Variants in ADNP observed in about 807,000 individuals in gnomAD.
ADNP encodes the protein activity dependent neuroprotector homeobox.
A neutral mutation model predicts 84.9 loss-of-function variants in ADNP; 4 were observed. The observed-to-expected ratio is 0.05, with a 90% confidence interval of 0.02 to 0.11. ADNP has a LOEUF of 0.11. Among genes scored for constraint, ADNP ranks in the 10% least tolerant of loss-of-function variants. The probability of loss-of-function intolerance (pLI) is 1.00; values close to 1 mark genes in which losing one functional copy is unlikely to be tolerated. For synonymous variants in ADNP, 554 were observed against 468.1 expected (o/e 1.18, Z -2.37); for missense variants, 1,132 against 1,326.0 (o/e 0.85, Z 2.27).
chr20:50,916,920 A>C (rs971673043), intron 2 of ADNP, among the ~76,000 whole-genome samples: 3 of 152,204 alleles, frequency 2.0e-5, no homozygotes, highest in African/African-American at 7.2e-5. Flanking sequence ...TAGGAAAGTC[A>C]AAAGATTGAG....
chr20:50,891,785 C>G lies in ADNP; in HGVS notation c.2929G>C (p.Gly977Arg), dbSNP rs994682969. 2 of 1,614,168 alleles carry G rather than the reference C, an allele frequency of 1.2e-6. No individual in the cohort carries two copies. The highest frequency in any genetic ancestry group is 1.7e-6 in the Non-Finnish European group (2 of 1,180,020). The stretch of plus-strand genomic sequence containing the variant: ...TCAAAGTCTGACACTTGTTGGGATC[C>G]AGGCCCACTCTCAGATGGAGAAGCA... ...DGASPSESGP[G>R]SQQVSDFEDN... The change falls in exon 6 of 6, where the codon GGA becomes CGA. Residue 977 changes from glycine (G) to arginine (R), a missense_variant. By Grantham distance (125) the Gly-to-Arg change is moderately radical. Around this residue, in one of 10 missense-constraint regions of ADNP, gnomAD observed 381 missense variants for 319.9 expected, o/e 1.19. Coordinates refer to ENST00000621696, the MANE Select transcript of ADNP (RefSeq NM_001282531.3).
In ADNP at chr20:50,894,048, G is replaced by T. The variant is rs539414821; in HGVS notation, c.666C>A (p.His222Gln). 6.2e-7 allele frequency: 1 copy of T among 1,614,100 alleles called. No homozygotes were observed. Among genetic ancestry groups the T allele is most frequent in the Non-Finnish European group, 8.5e-7 (1 of 1,180,048 alleles). ...TTGGCATGAAAAGGCATCGCTTGCA[G>T]TGAATACTACTCTCTTCTCGGGCAT... ...GSNAREESSI[H>Q]CKRCLFMPKS... The change falls in exon 6 of 6, where the codon CAC (histidine) becomes CAA (glutamine). Residue 222 changes from histidine to glutamine, a missense_variant. Around this residue, in one of 10 missense-constraint regions of ADNP, gnomAD observed 130 missense variants for 183.7 expected, o/e 0.71. Transcript: ENST00000621696.
intron 4 of ADNP, among the ~76,000 whole-genome samples, chr20:50,902,892 CTG>C (rs1491367867): frequency 6.6e-6 from 1 of 152,188 alleles, no homozygotes; most frequent in Non-Finnish European, 1.5e-5. Flanking sequence ...TACCTGAACT[CTG>C]GGGTTGGAGA....
In ADNP at chr20:50,891,394, G is replaced by A. The variant is rs753750584; in HGVS notation, c.*11C>T. ...GCTGCAGCATGTCACCAACGCCAGG[G>A]AACCTGGCACTTAGGCCTGTTGGCT... is the stretch of plus-strand genomic sequence containing the variant. On this transcript the variant is annotated 3_prime_UTR_variant, in exon 6 of 6. Coordinates refer to ENST00000621696, the MANE Select transcript of ADNP (RefSeq NM_001282531.3). The A allele has an allele frequency of 6.3e-7, 1 of 1,581,702 alleles. No individual in the cohort carries two copies. Among genetic ancestry groups the A allele is most frequent in the Admixed American group, 1.8e-5 (1 of 55,828 alleles).
intron 2 of ADNP, among the ~76,000 whole-genome samples, chr20:50,909,304 G>A (rs1982796206): frequency 7.3e-6 from 1 of 137,380 alleles, no homozygotes; most frequent in African/African-American, 2.7e-5. Context: ...CGGAGGTTGT[G>A]GTGAGCCGAA....
At position 50,894,296 on chromosome 20, in the gene ADNP, GGCT is replaced by G; in HGVS notation, c.415_417del (p.Ser139del). On this transcript the variant is annotated inframe_deletion, in exon 6 of 6. Coordinates refer to ENST00000621696, the MANE Select transcript of ADNP (RefSeq NM_001282531.3). ...TTGTTTTTATCTTTGAAAGTGCTGAGGCTGCTACTTGGTGCGCTGGCGTTCGGA... is the reference window on the plus strand; with the variant it reads ...TTGTTTTTATCTTTGAAAGTGCTGAGGCTACTTGGTGCGCTGGCGTTCGGA... 8.1e-6 allele frequency: 13 copies of G among 1,613,070 alleles called. No individual in the cohort carries two copies. The highest frequency in any genetic ancestry group is 3.3e-5 in the South Asian group (3 of 90,968).
intron 2 of ADNP, among the ~76,000 whole-genome samples, chr20:50,927,578 T>A (rs994270339): frequency 2.0e-5 from 3 of 150,296 alleles, no homozygotes; most frequent in Non-Finnish European, 4.4e-5. Flanking sequence ...TTTTTTTTGG[T>A]AGAGACAGGG....
In ADNP at chr20:50,894,492, G is replaced by A. The variant is rs1158820341; in HGVS notation, c.222C>T (p.Phe74=). 3 of 1,598,028 alleles carry A rather than the reference G, an allele frequency of 1.9e-6. No homozygotes were observed. The highest frequency in any genetic ancestry group is 2.3e-5 in the South Asian group (2 of 87,676). ...AGGAAAATGGACAAGCGCTGCAGCA[G>A]AAAGGTTTTGTCCGATAGTCCTAAA... ...TKNQDYRTKP[F]CCSACPFSSK... is the part of the protein sequence containing the mutation. Residue 74 remains phenylalanine, a synonymous_variant, in exon 6 of 6, where the codon TTC becomes TTT. Transcript: ENST00000621696.
intron 1 of ADNP, among the ~76,000 whole-genome samples, chr20:50,929,985 G>C (rs1243172450): frequency 2.0e-5 from 3 of 151,976 alleles, no homozygotes; most frequent in South Asian, 4.2e-4. Context: ...TCTTGGTCTT[G>C]GGCAGAAGAG....
intron 2 of ADNP, among the ~76,000 whole-genome samples, chr20:50,906,345 TG>T (rs1982475301): frequency 6.6e-6 from 1 of 152,232 alleles, no homozygotes; most frequent in African/African-American, 2.4e-5. Flanking sequence ...TTAAAATGGA[TG>T]CCCACAGATA....
At chr20:50,896,323 T>C (rs1440721280) in intron 5 of ADNP, among the ~76,000 whole-genome samples, 1 of 151,276 alleles carries the variant, frequency 6.6e-6, no homozygotes, top group African/African-American at 2.4e-5. Flanking sequence ...AAAAATTTGT[T>C]TTAAAAAAAA....
At chr20:50,912,839 C>T (rs1983168867) in intron 2 of ADNP, among the ~76,000 whole-genome samples, 1 of 151,162 alleles carries the variant, frequency 6.6e-6, no homozygotes. Flanking sequence ...AAAAACATTT[C>T]TACCCTAAAG....
At chr20:50,928,408 G>C (rs968209826) in intron 2 of ADNP, among the ~76,000 whole-genome samples, 1 of 152,072 alleles carries the variant, frequency 6.6e-6, no homozygotes, top group African/African-American at 2.4e-5. Flanking sequence ...TATACAAAGG[G>C]GTGTAGAATG....
chr20:50,902,250 A>G (rs1313549439), intron 4 of ADNP, 141 bp from the exon 5 acceptor site: 1 of 601,438 alleles, frequency 1.7e-6, no homozygotes, highest in Non-Finnish European at 2.9e-6. Flanking sequence ...TAGGAGTGAT[A>G]AGGCTCTTAA....
rs1477355924 is a variant in ADNP at position 50,891,862 on chromosome 20, T to C, written c.2852A>G (p.Asn951Ser). The part of the protein sequence containing the change: ...LTEEPTKLMH[N>S]ASDSEVDQDD... Reference sequence around the variant, plus strand: ...TTGGTCAACCTCACTATCAGATGCATTGTGCATTAGTTTGGTTGGTTCCTC... The same window carrying C: ...TTGGTCAACCTCACTATCAGATGCACTGTGCATTAGTTTGGTTGGTTCCTC... Residue 951 changes from asparagine to serine, a missense_variant, in exon 6 of 6, where the codon AAT (asparagine) becomes AGT (serine). Physicochemically the swap from Asn to Ser is conservative, Grantham distance 46 (BLOSUM62 1). Coordinates refer to ENST00000621696, the MANE Select transcript of ADNP (RefSeq NM_001282531.3). 3.7e-6 allele frequency: 6 copies of C among 1,614,110 alleles called. No individual in the cohort carries two copies. The highest frequency in any genetic ancestry group is 2.2e-5 in the South Asian group (2 of 91,090).
chr20:50,913,219 C>T (rs1983203070), intron 2 of ADNP, among the ~76,000 whole-genome samples: 1 of 120,754 alleles, frequency 8.3e-6, no homozygotes, highest in Admixed American at 1.1e-4. Context: ...CGCCACTGCA[C>T]TCCAACCTGG....
chr20:50,903,008 T>A (rs1982135560), intron 4 of ADNP, among the ~76,000 whole-genome samples: 1 of 152,216 alleles, frequency 6.6e-6, no homozygotes, highest in African/African-American at 2.4e-5. Flanking sequence ...GAACTCAAAT[T>A]AAGAAAACCT....
chr20:50,897,613 T>C (rs1033864689), intron 5 of ADNP, among the ~76,000 whole-genome samples: 1 of 152,160 alleles, frequency 6.6e-6, no homozygotes, highest in African/African-American at 2.4e-5. Flanking sequence ...GTCACAGATA[T>C]TGCAATCCTT....
At chr20:50,914,450 C>G (rs1983341584) in intron 2 of ADNP, 2 of 427,868 alleles carry the variant, frequency 4.7e-6, no homozygotes, top group Admixed American at 6.5e-5. Flanking sequence ...TCCCCAGTGT[C>G]CTGGAAACTA....
Sources: allele counts gnomAD v4.1 joint callset (sites outside exome capture counted in the v4.1 genomes callset), GRCh38; gene constraint gnomAD v4.1.1; regional missense constraint gnomAD v4.1.1; transcripts MANE v1.5; gene names NCBI Gene and HGNC (gene_info 2026-07-23, HGNC 2026-07-21).